MANBAL: variants seen among roughly 807,000 people sequenced by gnomAD.
The protein encoded by MANBAL is protein MANBAL.
In MANBAL, 1 loss-of-function variant was observed where a neutral mutation model predicts 6.4. The ratio of observed to expected loss-of-function variants is 0.16; its 90% confidence interval spans 0.06 to 0.74. MANBAL has a LOEUF of 0.74. Among genes scored for constraint, MANBAL ranks in the 30% least tolerant of loss-of-function variants. The probability of loss-of-function intolerance (pLI) is 0.78; values close to 1 mark genes in which losing one functional copy is unlikely to be tolerated. For missense variants in MANBAL, 100 were observed against 107.8 expected, an observed-to-expected ratio of 0.93 and a Z score of 0.32; for synonymous variants, 47 against 45.8, an observed-to-expected ratio of 1.03 and a Z score of -0.10.
intron 2 of MANBAL, among the ~76,000 whole-genome samples, chr20:37,305,840 A>G (rs1376194620): frequency 6.6e-6 from 1 of 151,996 alleles, no homozygotes; most frequent in Non-Finnish European, 1.5e-5. Flanking sequence ...AGCCTTTCTC[A>G]CTTCCGAAAC....
In MANBAL at chr20:37,316,745, C is replaced by G; in HGVS notation, c.*330C>G. On this transcript the variant is annotated 3_prime_UTR_variant, in exon 3 of 3. Transcript: ENST00000373606. ...TCATGTGTCCCTCCTTGAGTTGCCC[C>G]CTCCTTGTGGGTTTACACTACATTT... 4.4e-6 allele frequency: 1 copy of G among 225,548 alleles called. No individual in the cohort carries two copies. Among genetic ancestry groups the G allele is most frequent in the Non-Finnish European group, 8.8e-6 (1 of 113,700 alleles). 14.0% of individuals were successfully genotyped at this position (225,548 alleles called of 1,614,324 possible).
At chr20:37,296,058 C>T (rs2068988877) in intron 1 of MANBAL, among the ~76,000 whole-genome samples, 1 of 152,212 alleles carries the variant, frequency 6.6e-6, no homozygotes, top group African/African-American at 2.4e-5. Context: ...TCCTGTTACA[C>T]CTGTGCTGTC....
chr20:37,300,000 T>G (rs1231498942), intron 1 of MANBAL, among the ~76,000 whole-genome samples: 1 of 152,118 alleles, frequency 6.6e-6, no homozygotes, highest in Non-Finnish European at 1.5e-5. Flanking sequence ...GCCCCTGTCA[T>G]TCACGCCATC....
At chr20:37,311,383 T>G (rs1011131650) in intron 2 of MANBAL, among the ~76,000 whole-genome samples, 2 of 152,216 alleles carry the variant, frequency 1.3e-5, no homozygotes, top group Non-Finnish European at 2.9e-5. Context: ...CTGGGTGTCT[T>G]GGAATTTATC....
At chr20:37,312,150 A>C (rs571012819) in intron 2 of MANBAL, among the ~76,000 whole-genome samples, 4 of 152,324 alleles carry the variant, frequency 2.6e-5, no homozygotes, top group Admixed American at 2.6e-4. Flanking sequence ...AGATGACTCG[A>C]TAACTGTAAT....
chr20:37,290,869 A>G (rs551561181), intron 1 of MANBAL, among the ~76,000 whole-genome samples: 1 of 152,322 alleles, frequency 6.6e-6, no homozygotes, highest in Non-Finnish European at 1.5e-5. Context: ...TGGACCTCCC[A>G]AAGTGTTTGG....
Position 37,307,787 on chromosome 20 carries a change from C to T in MANBAL, c.150+6374C>T, listed in dbSNP as rs139580890. Among the ~76,000 whole-genome samples, 565 of 151,460 alleles carry T rather than the reference C, an allele frequency of 3.7e-3. 5 individuals carry two copies. Among genetic ancestry groups the T allele is most frequent in the African/African-American group, 0.012 (506 of 41,320 alleles). ...AAAAAAAAAGGAAACCAAACAAATA[C>T]AGCATTATTACTTGAAACCCAAGAA... On this transcript the variant is annotated intron_variant, in intron 2 of 2. Transcript: ENST00000373606.
intron 1 of MANBAL, among the ~76,000 whole-genome samples, chr20:37,294,333 A>G (rs946818676): frequency 6.6e-6 from 1 of 152,212 alleles, no homozygotes; most frequent in Non-Finnish European, 1.5e-5. Context: ...CCCTGGTGCA[A>G]ATGTGTCTTT....
intron 1 of MANBAL, among the ~76,000 whole-genome samples, chr20:37,295,650 A>G (rs151117825): frequency 5.4e-4 from 83 of 152,336 alleles, no homozygotes; most frequent in African/African-American, 1.6e-3. Context: ...CTTATCAGCC[A>G]GGTTATCCCT....
intron 2 of MANBAL, among the ~76,000 whole-genome samples, chr20:37,308,267 G>A (rs778497039): frequency 4.6e-5 from 7 of 152,178 alleles, no homozygotes; most frequent in Non-Finnish European, 8.8e-5. Context: ...TTCCCACAGG[G>A]GGACTGCTAG....
intron 2 of MANBAL, among the ~76,000 whole-genome samples, chr20:37,311,179 G>A (rs2069378148): frequency 6.6e-6 from 1 of 152,222 alleles, no homozygotes; most frequent in South Asian, 2.1e-4. Context: ...GCCACTAAGT[G>A]TGCGTTCTCA....
chr20:37,301,250 A>G lies in MANBAL; in HGVS notation c.-14A>G. 6.3e-7 allele frequency: 1 copy of G among 1,578,858 alleles called. No homozygotes were observed. The highest frequency in any genetic ancestry group is 1.2e-5 in the South Asian group (1 of 86,012). ...TGAGTCAGAAGAGACGTCAGGCAGC[A>G]AGCGACTTGGGCCATGGCCTCTGAC... On this transcript the variant is annotated 5_prime_UTR_variant, in exon 2 of 3. Transcript: ENST00000373606.
At chr20:37,295,367 AT>A (rs879524782) in intron 1 of MANBAL, among the ~76,000 whole-genome samples, 47 of 152,238 alleles carry the variant, frequency 3.1e-4, no homozygotes, top group Non-Finnish European at 6.3e-4. Flanking sequence ...ACATTCTAAA[AT>A]TTGATCCAGC....
At chr20:37,315,177 C>T (rs553011079) in intron 2 of MANBAL, among the ~76,000 whole-genome samples, 3 of 152,284 alleles carry the variant, frequency 2.0e-5, no homozygotes, top group East Asian at 1.9e-4. Flanking sequence ...CCATTGTCAC[C>T]GGATGGTTAG....
chr20:37,298,698 G>C (rs188303771), intron 1 of MANBAL: 80 of 151,716 alleles, frequency 5.3e-4, no homozygotes, highest in African/African-American at 1.9e-3. Flanking sequence ...TGTGAATAAT[G>C]CTGCTATGAA....
chr20:37,309,831 A>G (rs957557280), intron 2 of MANBAL, among the ~76,000 whole-genome samples: 2 of 152,096 alleles, frequency 1.3e-5, no homozygotes, highest in Non-Finnish European at 2.9e-5. Context: ...GCAAGCATCC[A>G]CCCATTCTCA....
chr20:37,306,538 A>C (rs1311715956), intron 2 of MANBAL, among the ~76,000 whole-genome samples: 1 of 152,246 alleles, frequency 6.6e-6, no homozygotes, highest in Non-Finnish European at 1.5e-5. Flanking sequence ...TCTCATTGGC[A>C]ACTCATTAAA....
At position 37,305,213 on chromosome 20, in the gene MANBAL, G is replaced by A. The variant is rs559986464; in HGVS notation, c.150+3800G>A. Among the ~76,000 whole-genome samples the A allele has an allele frequency of 2.2e-3, 331 of 152,246 alleles. 2 individuals carry two copies. The highest frequency in any genetic ancestry group is 6.8e-3 in the Middle Eastern group (2 of 292). On this transcript the variant is annotated intron_variant, in intron 2 of 2. Coordinates refer to ENST00000373606, the MANE Select transcript of MANBAL (RefSeq NM_001003897.2). ...TCCCTGCAGACGTGGCATGCTATTC[G>A]GTATTATAAATAACAAATGTGGTTG...
intron 1 of MANBAL, among the ~76,000 whole-genome samples, chr20:37,292,348 C>T (rs985404982): frequency 6.6e-6 from 1 of 152,204 alleles, no homozygotes; most frequent in Non-Finnish European, 1.5e-5. Context: ...GTCGCCCAGG[C>T]TGGAGTGCAG....
Sources: gnomAD v4.1 joint callset for allele counts (sites outside exome capture counted in the v4.1 genomes callset) on GRCh38, gnomAD v4.1.1 for gene constraint, MANE v1.5 for transcripts, NCBI Gene and HGNC (gene_info 2026-07-23, HGNC 2026-07-21) for gene names.